TENM4: variants seen among roughly 807,000 people sequenced by gnomAD.
The protein encoded by TENM4 is teneurin-4.
TENM4 carries 82 observed loss-of-function variants against 243.3 expected under a neutral mutation model. That is an observed-to-expected ratio of 0.34 (90% CI 0.28 to 0.40). TENM4 has a LOEUF of 0.40. Ranked by LOEUF, TENM4 falls within the 10% of genes least tolerant of loss-of-function variation. The probability of loss-of-function intolerance (pLI) is 1.00; values close to 1 mark genes in which losing one functional copy is unlikely to be tolerated. For synonymous variants in TENM4, 1,412 were observed against 1,456.3 expected, an observed-to-expected ratio of 0.97 and a Z score of 0.69; for missense variants, 3,138 against 3,673.3, an observed-to-expected ratio of 0.85 and a Z score of 3.77.
chr11:79,352,487 G>T (rs1857430112), intron 1 of TENM4, among the ~76,000 whole-genome samples: 1 of 152,166 alleles, frequency 6.6e-6, no homozygotes, highest in Non-Finnish European at 1.5e-5. Context: ...TCACACCACT[G>T]CCTGGGTGAC....
intron 3 of TENM4, among the ~76,000 whole-genome samples, chr11:79,173,675 T>C (rs1346498881): frequency 6.6e-6 from 1 of 152,186 alleles, no homozygotes; most frequent in African/African-American, 2.4e-5. Flanking sequence ...AGACCTCAGA[T>C]ACCCTTGCAA....
intron 6 of TENM4, among the ~76,000 whole-genome samples, chr11:79,048,670 C>T (rs1207846636): frequency 6.6e-6 from 1 of 152,188 alleles, no homozygotes; most frequent in African/African-American, 2.4e-5. Context: ...CAGTGTTACC[C>T]TGACCTAGCA....
At chr11:78,753,281 G>A (rs1285895598) in intron 19 of TENM4, among the ~76,000 whole-genome samples, 1 of 152,194 alleles carries the variant, frequency 6.6e-6, no homozygotes, top group Non-Finnish European at 1.5e-5. Context: ...TCATGAAAGA[G>A]TACCATTATT....
chr11:78,694,802 CAGA>C (rs747825569), intron 28 of TENM4, among the ~76,000 whole-genome samples: 150 of 152,318 alleles, frequency 9.8e-4, no homozygotes, highest in Middle Eastern at 3.4e-3. Flanking sequence ...GACTGGAATT[CAGA>C]AGGTTTTCCT....
intron 4 of TENM4, among the ~76,000 whole-genome samples, chr11:79,075,115 A>G (rs922992362): frequency 2.6e-5 from 4 of 152,164 alleles, no homozygotes. Flanking sequence ...AACACCAGCC[A>G]CCACTTACTC....
At chr11:78,804,713 G>A (rs924396491) in intron 15 of TENM4, among the ~76,000 whole-genome samples, 12 of 152,166 alleles carry the variant, frequency 7.9e-5, no homozygotes, top group Admixed American at 2.6e-4. Flanking sequence ...TTATTGAGCA[G>A]GTGCTGTGGG....
chr11:78,883,861 C>G (rs1855489869), intron 9 of TENM4, among the ~76,000 whole-genome samples: 1 of 152,212 alleles, frequency 6.6e-6, no homozygotes, highest in African/African-American at 2.4e-5. Flanking sequence ...GACATCCCTA[C>G]AAATGTTTTC....
intron 3 of TENM4, among the ~76,000 whole-genome samples, chr11:79,183,956 A>G (rs1376723344): frequency 1.3e-5 from 2 of 152,196 alleles, no homozygotes; most frequent in African/African-American, 4.8e-5. Context: ...TAATTCCTCA[A>G]TTTAATTATA....
chr11:79,415,997 C>T (rs1307495182), intron 1 of TENM4, among the ~76,000 whole-genome samples: 1 of 152,108 alleles, frequency 6.6e-6, no homozygotes, highest in African/African-American at 2.4e-5. Context: ...AGTATACATG[C>T]TTTTGAGTCT....
chr11:79,266,122 G>A lies in TENM4; in HGVS notation c.-265+31366C>T, dbSNP rs11237778. Among the ~76,000 whole-genome samples, 119 of 152,244 alleles carry A rather than the reference G, an allele frequency of 7.8e-4. 1 individual carries two copies. Among genetic ancestry groups the A allele is most frequent in the African/African-American group, 2.8e-3 (116 of 41,544 alleles). ...ATGACTGTGATCCTTTGACCAGCTGGCCTACGTCATAAGACTTACTGAGTG... is the reference window on the plus strand; with the variant it reads ...ATGACTGTGATCCTTTGACCAGCTGACCTACGTCATAAGACTTACTGAGTG... On this transcript the variant is annotated intron_variant, in intron 2 of 33. Transcript: ENST00000278550.
chr11:79,255,648 A>G (rs1232395433), intron 2 of TENM4, among the ~76,000 whole-genome samples: 2 of 152,246 alleles, frequency 1.3e-5, no homozygotes, highest in Admixed American at 6.5e-5. Context: ...AGGGAAGCCA[A>G]TGAGTTTTCA....
intron 4 of TENM4, among the ~76,000 whole-genome samples, chr11:79,110,697 GAGGTCAGTTTGTGGCAC>G (rs1461412719): frequency 6.6e-6 from 1 of 152,196 alleles, no homozygotes; most frequent in East Asian, 1.9e-4. Flanking sequence ...GGTCAAAAAA[GAGGTCAGTTTGTGGCAC>G]AGGCTCCCAC....
At chr11:78,703,948 C>A (rs1050990370) in intron 27 of TENM4, among the ~76,000 whole-genome samples, 1 of 150,470 alleles carries the variant, frequency 6.6e-6, no homozygotes, top group Non-Finnish European at 1.5e-5. Context: ...ACCTTCCAGG[C>A]TAAAGCGATC....
intron 9 of TENM4, 80 bp downstream of exon 9, chr11:78,889,705 C>G: frequency 7.0e-7 from 1 of 1,436,350 alleles, no homozygotes; most frequent in Non-Finnish European, 9.5e-7. Context: ...AGTAAGGAGC[C>G]TTCAGTGCCC....
At chr11:79,021,575 C>T (rs1349391013) in intron 6 of TENM4, 5 of 152,130 alleles carry the variant, frequency 3.3e-5, no homozygotes, top group Admixed American at 6.5e-5. Context: ...GTGTTCATAC[C>T]TTTTCACTTC....
At chr11:79,288,734 T>C (rs1856301670) in intron 2 of TENM4, among the ~76,000 whole-genome samples, 1 of 152,204 alleles carries the variant, frequency 6.6e-6, no homozygotes, top group South Asian at 2.1e-4. Context: ...GAATGTAATT[T>C]GCTGTTTGTA....
At chr11:78,781,180 G>A (rs1190670645) in intron 16 of TENM4, among the ~76,000 whole-genome samples, 2 of 152,178 alleles carry the variant, frequency 1.3e-5, no homozygotes, top group African/African-American at 2.4e-5. Flanking sequence ...CACATATGCT[G>A]TTGAGTACAG....
At chr11:78,912,459 G>A (rs1856210797) in intron 6 of TENM4, among the ~76,000 whole-genome samples, 1 of 152,218 alleles carries the variant, frequency 6.6e-6, no homozygotes, top group Non-Finnish European at 1.5e-5. Flanking sequence ...GTTTCACCAT[G>A]TTGGCCAGGC....
intron 1 of TENM4, among the ~76,000 whole-genome samples, chr11:79,322,779 C>A (rs1341037395): frequency 1.3e-5 from 2 of 152,190 alleles, no homozygotes; most frequent in Non-Finnish European, 2.9e-5. Context: ...ATTGTTCACA[C>A]AATTCCATGT....
Sources: allele counts gnomAD v4.1 joint callset (sites outside exome capture counted in the v4.1 genomes callset), GRCh38; gene constraint gnomAD v4.1.1; transcripts MANE v1.5; gene names NCBI Gene and HGNC (gene_info 2026-07-23, HGNC 2026-07-21).